Variants in NETO1 observed in about 807,000 individuals in gnomAD.
NETO1 encodes the protein neuropilin and tolloid like 1.
NETO1 carries 26 observed loss-of-function variants against 61.3 expected under a neutral mutation model. The observed-to-expected ratio is 0.42, with a 90% CI of 0.31 to 0.59. The LOEUF (loss-of-function observed/expected upper bound fraction) is 0.59, where lower values mean the gene tolerates loss of function less well. NETO1 is among the 20% of genes least tolerant of loss of function. NETO1 has a pLI of 0.12. For synonymous variants in NETO1, 225 were observed against 225.8 expected, an observed-to-expected ratio of 1.00 and a Z score of 0.03; for missense variants, 531 against 662.8, an observed-to-expected ratio of 0.80 and a Z score of 2.18.
At chr18:72,839,004 T>G (rs1264969825) in intron 4 of NETO1, among the ~76,000 whole-genome samples, 4 of 152,212 alleles carry the variant, frequency 2.6e-5, no homozygotes, top group Admixed American at 1.3e-4. Context: ...ATAAATGATC[T>G]AAAAAGATTT....
chr18:72,776,086 C>T (rs2071536848), intron 7 of NETO1, among the ~76,000 whole-genome samples: 3 of 152,118 alleles, frequency 2.0e-5, no homozygotes, highest in African/African-American at 2.4e-5. Flanking sequence ...GCTCAGAGTT[C>T]TACAGGCTGA....
chr18:72,748,426 G>A (rs550224764), intron 10 of NETO1: 1 of 325,874 alleles, frequency 3.1e-6, no homozygotes, highest in Non-Finnish European at 4.4e-6. Context: ...GTAGACAACT[G>A]GGATTAATGA....
chr18:72,782,932 G>A (rs1444058210), intron 7 of NETO1, among the ~76,000 whole-genome samples: 2 of 152,204 alleles, frequency 1.3e-5, no homozygotes, highest in Non-Finnish European at 2.9e-5. Context: ...GTATATGCTT[G>A]TTGGCCACAT....
intron 1 of NETO1, chr18:72,867,020 T>C: frequency 2.2e-6 from 1 of 457,330 alleles, no homozygotes; most frequent in South Asian, 4.9e-5. Context: ...CCCCGGGGGG[T>C]TCCTGCGCAC....
intron 4 of NETO1, among the ~76,000 whole-genome samples, chr18:72,802,067 T>C (rs1359208032): frequency 6.6e-6 from 1 of 152,118 alleles, no homozygotes; most frequent in Non-Finnish European, 1.5e-5. Context: ...ACTTTATAGA[T>C]GTTAATAATT....
At chr18:72,863,763 G>C (rs1475688887) in intron 3 of NETO1, among the ~76,000 whole-genome samples, 1 of 152,172 alleles carries the variant, frequency 6.6e-6, no homozygotes, top group Admixed American at 6.5e-5. Context: ...ATAAGTAGTA[G>C]AAAGTGCATC....
Position 72,818,762 on chromosome 18 carries a change from C to T in NETO1, c.470-24358G>A, listed in dbSNP as rs73966673. Among the ~76,000 whole-genome samples, 1,362 of 152,138 alleles carry T rather than the reference C, an allele frequency of 9.0e-3. 21 individuals are homozygous for T. Among genetic ancestry groups the T allele is most frequent in the African/African-American group, 0.031 (1,274 of 41,508 alleles). ...TCATAAAATATCATGCTCATTATAA[C>T]TTTATATAAACATTTTTTCGTTTAT... On this transcript the variant is annotated intron_variant, in intron 4 of 10. Coordinates refer to ENST00000327305, the MANE Select transcript of NETO1 (RefSeq NM_138966.5).
chr18:72,824,855 C>T (rs569778942), intron 4 of NETO1, among the ~76,000 whole-genome samples: 131 of 151,536 alleles, frequency 8.6e-4, no homozygotes, highest in African/African-American at 2.9e-3. Flanking sequence ...CTCCAGCCTG[C>T]GCGACAGAGT....
chr18:72,783,538 G>C (rs2071812871), intron 7 of NETO1, 140 bp downstream of exon 7: 1 of 672,654 alleles, frequency 1.5e-6, no homozygotes, highest in Admixed American at 2.9e-5. Flanking sequence ...ATGAGAAAAA[G>C]AGGACCTTAG....
chr18:72,821,097 G>T (rs2073178580), intron 4 of NETO1, among the ~76,000 whole-genome samples: 1 of 151,876 alleles, frequency 6.6e-6, no homozygotes, highest in Non-Finnish European at 1.5e-5. Context: ...TCTCTTGCCT[G>T]GGAAACAGCT....
intron 4 of NETO1, among the ~76,000 whole-genome samples, chr18:72,855,050 T>A (rs539489326): frequency 3.3e-5 from 5 of 152,376 alleles, no homozygotes; most frequent in African/African-American, 1.2e-4. Context: ...GAAAACAATA[T>A]AATTCTAATA....
intron 7 of NETO1, among the ~76,000 whole-genome samples, chr18:72,760,623 T>C (rs560077703): frequency 6.6e-6 from 1 of 152,322 alleles, no homozygotes; most frequent in African/African-American, 2.4e-5. Flanking sequence ...CTCTTTGCCC[T>C]TGAGCTGATT....
intron 4 of NETO1, among the ~76,000 whole-genome samples, chr18:72,827,413 G>C (rs928897326): frequency 6.6e-6 from 1 of 152,174 alleles, no homozygotes; most frequent in Admixed American, 6.5e-5. Context: ...CCCTCCATAG[G>C]GTTGTAGCCT....
intron 6 of NETO1, among the ~76,000 whole-genome samples, chr18:72,791,475 C>A (rs967919604): frequency 6.6e-6 from 1 of 152,214 alleles, no homozygotes; most frequent in Non-Finnish European, 1.5e-5. Flanking sequence ...TTCCCATCCT[C>A]TAACCTTTAA....
At chr18:72,786,359 C>A (rs2145242424) in intron 6 of NETO1, among the ~76,000 whole-genome samples, 1 of 152,230 alleles carries the variant, frequency 6.6e-6, no homozygotes, top group East Asian at 1.9e-4. Context: ...AATCCAGACA[C>A]AATTTGATGA....
intron 4 of NETO1, among the ~76,000 whole-genome samples, chr18:72,811,868 T>C (rs1162037310): frequency 4.6e-5 from 7 of 152,202 alleles, no homozygotes; most frequent in Admixed American, 3.3e-4. Flanking sequence ...AAACCTTCTT[T>C]TGGTTCTTGG....
chr18:72,806,072 G>A (rs765664799), intron 4 of NETO1, among the ~76,000 whole-genome samples: 18 of 151,994 alleles, frequency 1.2e-4, no homozygotes, highest in Admixed American at 5.9e-4. Context: ...GCTTCGTGGG[G>A]GGTGGGTTGG....
chr18:72,752,091 CAGTT>C (rs1266852291), intron 8 of NETO1: 2 of 152,050 alleles, frequency 1.3e-5, no homozygotes, highest in Admixed American at 1.3e-4. Context: ...AATTAAGAGA[CAGTT>C]AGTGTCTTAA....
In NETO1 at chr18:72,864,858, T is replaced by G; in HGVS notation, c.170A>C (p.Asn57Thr). Residue 57 changes from asparagine to threonine, a missense_variant, in exon 3 of 11, where the codon AAC (asparagine) becomes ACC (threonine). By Grantham distance (65) the Asn-to-Thr change is moderately conservative. Coordinates refer to ENST00000327305, the MANE Select transcript of NETO1 (RefSeq NM_138966.5). ...GTCAGGGGGATACTTGCTGGGATAG[T>G]TGGGAGAGGTAAAGATACCTCCCTC... ...HAEGGIFTSP[N>T]YPSKYPPDRE... The G allele has an allele frequency of 6.2e-7, 1 of 1,614,146 alleles. No individual in the cohort carries two copies. Among genetic ancestry groups the G allele is most frequent in the Non-Finnish European group, 8.5e-7 (1 of 1,180,022 alleles).
Sources: gnomAD v4.1 joint callset for allele counts (sites outside exome capture counted in the v4.1 genomes callset) on GRCh38, gnomAD v4.1.1 for gene constraint, MANE v1.5 for transcripts, NCBI Gene and HGNC (gene_info 2026-07-23, HGNC 2026-07-21) for gene names.